The following TAF4B variants were observed in gnomAD, a reference collection of about 807,000 sequenced individuals.
The protein encoded by TAF4B is transcription initiation factor TFIID subunit 4B.
In TAF4B, 38 loss-of-function variants were observed where a neutral mutation model predicts 86.4. That is an observed-to-expected ratio of 0.44 (90% CI 0.34 to 0.58). The LOEUF (loss-of-function observed/expected upper bound fraction) is 0.58, where lower values mean the gene tolerates loss of function less well. Among genes scored for constraint, TAF4B ranks in the 20% least tolerant of loss-of-function variants. TAF4B has a pLI of 0.02. For missense variants in TAF4B, 988 were observed against 1,027.6 expected (o/e 0.96, Z 0.53); for synonymous variants, 388 against 391.2 (o/e 0.99, Z 0.10).
intron 13 of TAF4B, among the ~76,000 whole-genome samples, chr18:26,353,734 A>G (rs1363322446): frequency 6.6e-6 from 1 of 152,270 alleles, no homozygotes; most frequent in Non-Finnish European, 1.5e-5. Context: ...ATTATAGTTT[A>G]AGTCCTTATC....
rs1013987172 is a variant in TAF4B at position 26,226,960 on chromosome 18, C to T, written c.27C>T (p.Ala9=). The T allele has an allele frequency of 1.4e-6, 2 of 1,382,586 alleles. No homozygotes were observed. Among genetic ancestry groups the T allele is most frequent in the East Asian group, 3.0e-5 (1 of 32,944 alleles). The allele number at this position is 1,382,586 out of a possible 1,614,324, so 85.6% of individuals were successfully genotyped here. A position where few individuals can be genotyped will look rare whatever the true frequency, so the allele number is the denominator to read the frequency against. ...TGCCCGCCGGCCTCACCGAACCCGC[C>T]GGCGCCGCTCCCCCGGCTGCTGTGA... MPAGLTEP[A]GAAPPAAVSA... Residue 9 remains alanine, a synonymous_variant, in exon 1 of 15, where the codon GCC becomes GCT. Coordinates refer to ENST00000269142, the MANE Select transcript of TAF4B (RefSeq NM_005640.3).
At chr18:26,284,586 A>AC (rs780271486) in intron 6 of TAF4B, among the ~76,000 whole-genome samples, 3 of 152,186 alleles carry the variant, frequency 2.0e-5, no homozygotes, top group African/African-American at 4.8e-5. Flanking sequence ...GACAGTCAGA[A>AC]AGTATGCTTG....
intron 6 of TAF4B, 136 bp from the exon 7 acceptor site, chr18:26,285,746 A>G (rs2056512303): frequency 1.9e-6 from 2 of 1,056,506 alleles, no homozygotes; most frequent in Non-Finnish European, 2.7e-6. Context: ...TAAGTAAGTG[A>G]TACAAGCTGT....
At chr18:26,325,703 T>C (rs2144683470) in intron 11 of TAF4B, among the ~76,000 whole-genome samples, 1 of 152,268 alleles carries the variant, frequency 6.6e-6, no homozygotes, top group Non-Finnish European at 1.5e-5. Context: ...AACACAAAAA[T>C]GGTAAAGATT....
At chr18:26,242,837 C>G (rs1201455570) in intron 1 of TAF4B, among the ~76,000 whole-genome samples, 4 of 152,148 alleles carry the variant, frequency 2.6e-5, no homozygotes, top group Admixed American at 2.6e-4. Context: ...TTCTCCTTCA[C>G]TTATGAAGCT....
chr18:26,359,301 T>C (rs1364453174), intron 14 of TAF4B, among the ~76,000 whole-genome samples: 1 of 152,228 alleles, frequency 6.6e-6, no homozygotes, highest in Non-Finnish European at 1.5e-5. Flanking sequence ...TTTGCCTTTA[T>C]TGCCTCAGAT....
chr18:26,352,853 A>G (rs1380076978), intron 13 of TAF4B, among the ~76,000 whole-genome samples: 1 of 152,238 alleles, frequency 6.6e-6, no homozygotes, highest in Non-Finnish European at 1.5e-5. Context: ...CGAAAAGCAC[A>G]AACTATCAAA....
intron 9 of TAF4B, among the ~76,000 whole-genome samples, chr18:26,308,184 G>T (rs1449778506): frequency 6.6e-6 from 1 of 152,150 alleles, no homozygotes; most frequent in Non-Finnish European, 1.5e-5. Context: ...AGCTCCGGAA[G>T]TGAAGGCTGC....
intron 13 of TAF4B, among the ~76,000 whole-genome samples, chr18:26,353,824 C>T (rs1040917491): frequency 9.9e-5 from 15 of 152,158 alleles, no homozygotes; most frequent in African/African-American, 3.4e-4. Context: ...TTAAGTGTGT[C>T]TTCCATAGAG....
chr18:26,376,372 C>T (rs1221192230), intron 14 of TAF4B, among the ~76,000 whole-genome samples: 1 of 152,008 alleles, frequency 6.6e-6, no homozygotes, highest in Admixed American at 6.6e-5. Context: ...TTATAGTTTT[C>T]AGTGAACAAG....
chr18:26,283,578 G>C (rs1371981819), intron 6 of TAF4B, among the ~76,000 whole-genome samples: 1 of 152,100 alleles, frequency 6.6e-6, no homozygotes, highest in Non-Finnish European at 1.5e-5. Flanking sequence ...AGAGCCCTAG[G>C]ATTTTTGGAA....
chr18:26,372,169 G>T (rs1017407879), intron 14 of TAF4B, among the ~76,000 whole-genome samples: 4 of 152,282 alleles, frequency 2.6e-5, no homozygotes, highest in Non-Finnish European at 5.9e-5. Flanking sequence ...CCTGACCCAT[G>T]GAAGTGAGAG....
intron 8 of TAF4B, 115 bp from the exon 9 acceptor site, chr18:26,293,311 G>A (rs2056618685): frequency 3.1e-6 from 2 of 643,206 alleles, no homozygotes; most frequent in East Asian, 6.2e-5. Context: ...TTCTAGGGCA[G>A]CTTGGAATTT....
chr18:26,250,714 T>C (rs1349539591), intron 1 of TAF4B, among the ~76,000 whole-genome samples: 1 of 152,130 alleles, frequency 6.6e-6, no homozygotes, highest in East Asian at 1.9e-4. Flanking sequence ...TTAGTTTTTG[T>C]CTAACAAACT....
At chr18:26,358,606 A>G (rs1230962434) in intron 14 of TAF4B, among the ~76,000 whole-genome samples, 2 of 152,202 alleles carry the variant, frequency 1.3e-5, no homozygotes, top group Admixed American at 1.3e-4. Flanking sequence ...GCTACTCGGG[A>G]GGCTGAGGCA....
chr18:26,226,936 GCCCGCCGGC>G lies in TAF4B; in HGVS notation c.5_13del (p.Pro2_Gly4del). The G allele has an allele frequency of 2.9e-6, 4 of 1,370,682 alleles. No individual in the cohort carries two copies. Among genetic ancestry groups the G allele is most frequent in the Non-Finnish European group, 3.7e-6 (4 of 1,071,288 alleles). 84.9% of individuals were successfully genotyped at this position (1,370,682 alleles called of 1,614,324 possible). Reference sequence around the variant, plus strand: ...AGCTGCCGCTGAGCCCCTGGGGGATGCCCGCCGGCCTCACCGAACCCGCCGGCGCCGCTC... The same window carrying G: ...AGCTGCCGCTGAGCCCCTGGGGGATGCTCACCGAACCCGCCGGCGCCGCTC... On this transcript the variant is annotated inframe_deletion, in exon 1 of 15. Transcript: ENST00000269142.
intron 14 of TAF4B, among the ~76,000 whole-genome samples, chr18:26,377,625 TC>T (rs1045630821): frequency 6.6e-6 from 1 of 152,242 alleles, no homozygotes; most frequent in Non-Finnish European, 1.5e-5. Flanking sequence ...TTGCTACTAC[TC>T]TTCTGGCACA....
At chr18:26,262,509 G>GT (rs1394962954) in intron 1 of TAF4B, among the ~76,000 whole-genome samples, 1 of 147,170 alleles carries the variant, frequency 6.8e-6, no homozygotes, top group Non-Finnish European at 1.5e-5. Flanking sequence ...GAATCTCTCT[G>GT]TGTTGCCCAG....
chr18:26,385,240 A>G (rs1013253949), intron 14 of TAF4B, among the ~76,000 whole-genome samples: 1 of 152,204 alleles, frequency 6.6e-6, no homozygotes, highest in African/African-American at 2.4e-5. Flanking sequence ...TTGGATTACT[A>G]GTTATTTTTG....
Sources: gnomAD v4.1 joint callset for allele counts (sites outside exome capture counted in the v4.1 genomes callset) on GRCh38, gnomAD v4.1.1 for gene constraint, MANE v1.5 for transcripts, NCBI Gene and HGNC (gene_info 2026-07-23, HGNC 2026-07-21) for gene names.